Variants in ZNF671 observed in about 807,000 individuals in gnomAD.
The protein encoded by ZNF671 is zinc finger protein 671, also known as hypothetical protein FLJ23506.
ZNF671 carries 19 observed loss-of-function variants against 16.6 expected under a neutral mutation model. That is an observed-to-expected ratio of 1.14 (90% CI 0.80 to 1.68). The LOEUF is 1.68. Ranked by LOEUF, ZNF671 falls within the 40% of genes most tolerant of loss-of-function variation. The probability of loss-of-function intolerance (pLI) is 0.00; values close to 1 mark genes in which losing one functional copy is unlikely to be tolerated. For synonymous variants in ZNF671, 238 were observed against 236.3 expected (o/e 1.01, Z -0.06); for missense variants, 637 against 659.8 (o/e 0.97, Z 0.38).
chr19:57,727,436 A>C lies in ZNF671; in HGVS notation c.93T>G (p.Ala31=). The C allele has an allele frequency of 6.2e-7, 1 of 1,613,194 alleles. No homozygotes were observed. Among genetic ancestry groups the C allele is most frequent in the South Asian group, 1.1e-5 (1 of 91,030 alleles). The change falls in exon 1 of 4, where the codon GCT becomes GCG. Residue 31 remains alanine (A), a synonymous_variant. Coordinates refer to ENST00000317398, the MANE Select transcript of ZNF671 (RefSeq NM_024833.3). Reference sequence around the variant, plus strand: ...CCGCCATAGGACCGTGGGCGCGGACAGCTGCCGGGAGCGGCAGGCGTCTCG... The same window carrying C: ...CCGCCATAGGACCGTGGGCGCGGACCGCTGCCGGGAGCGGCAGGCGTCTCG... ...PRSRRLPLPA[A]VRAHGPMAEL...
In ZNF671 at chr19:57,727,573, C is replaced by G. The variant is rs1334727132; in HGVS notation, c.-45G>C. 6.4e-7 allele frequency: 1 copy of G among 1,566,768 alleles called. No individual in the cohort carries two copies. Among genetic ancestry groups the G allele is most frequent in the Admixed American group, 1.8e-5 (1 of 56,056 alleles). ...CACCTCCACCTGCGGCCCACACAAG[C>G]GTTACAGAACCCCGGCCAGGGACAG... On this transcript the variant is annotated 5_prime_UTR_variant, in exon 1 of 4. Coordinates refer to ENST00000317398, the MANE Select transcript of ZNF671 (RefSeq NM_024833.3).
At chr19:57,725,877 T>C (rs1476675495) in intron 1 of ZNF671, among the ~76,000 whole-genome samples, 1 of 151,832 alleles carries the variant, frequency 6.6e-6, no homozygotes, top group East Asian at 1.9e-4. Flanking sequence ...GAAGCTGCAG[T>C]GAGCCAAGAT....
At position 57,721,116 on chromosome 19, in the gene ZNF671, G is replaced by T; in HGVS notation, c.970C>A (p.Gln324Lys). ...TGGTGTTTAAAGAGGTCATAGCTTT[G>T]GCTGAAGAATTTCCCACATTCGTTA... ...ECNECGKFFS[Q>K]SYDLFKHQTV... is the part of the protein sequence containing the mutation. The change falls in exon 4 of 4, where the codon CAA (glutamine) becomes AAA (lysine). Residue 324 changes from glutamine to lysine, a missense_variant. By Grantham distance (53) the Gln-to-Lys change is moderately conservative. Coordinates refer to ENST00000317398, the MANE Select transcript of ZNF671 (RefSeq NM_024833.3). 6.2e-7 allele frequency: 1 copy of T among 1,614,154 alleles called. No homozygotes were observed. The highest frequency in any genetic ancestry group is 8.5e-7 in the Non-Finnish European group (1 of 1,180,028).
rs765037649 is a variant in ZNF671 at position 57,721,544 on chromosome 19, T to G, written c.542A>C (p.Lys181Thr). 6.5e-5 allele frequency: 105 copies of G among 1,614,092 alleles called. No individual in the cohort carries two copies. Among genetic ancestry groups the G allele is most frequent in the Non-Finnish European group, 8.5e-5 (100 of 1,180,046 alleles). The change falls in exon 4 of 4, where the codon AAA (lysine) becomes ACA (threonine). Residue 181 changes from lysine (K) to threonine (T), a missense_variant. Coordinates refer to ENST00000317398, the MANE Select transcript of ZNF671 (RefSeq NM_024833.3). ...PILKDTLHLAKYHGGKARQKP... is the reference protein window; with the variant it reads ...PILKDTLHLATYHGGKARQKP... ...CTGCCTGGCTTTTCCCCCATGGTAT[T>G]TAGCCAGGTGTAAGGTATCTTTCAA...
chr19:57,722,935 C>A (rs1207844213), intron 2 of ZNF671, among the ~76,000 whole-genome samples: 2 of 151,980 alleles, frequency 1.3e-5, no homozygotes, highest in Non-Finnish European at 2.9e-5. Flanking sequence ...GAGAAAGGGA[C>A]AGAACCTTGG....
intron 3 of ZNF671, chr19:57,721,970 T>C (rs143391861): frequency 1.8e-6 from 1 of 564,002 alleles, no homozygotes; most frequent in African/African-American, 1.9e-5. Context: ...GTGAGTGCTA[T>C]GAAAAATGTA....
At chr19:57,724,474 G>A (rs1272665381) in intron 1 of ZNF671, among the ~76,000 whole-genome samples, 1 of 152,102 alleles carries the variant, frequency 6.6e-6, no homozygotes, top group African/African-American at 2.4e-5. Context: ...CTTAAAGAGA[G>A]GGAGAAGGAT....
At position 57,727,569 on chromosome 19, in the gene ZNF671, C is replaced by G. The variant is rs756701495; in HGVS notation, c.-41G>C. On this transcript the variant is annotated 5_prime_UTR_variant, in exon 1 of 4. Transcript: ENST00000317398. ...CCAACACCTCCACCTGCGGCCCACA[C>G]AAGCGTTACAGAACCCCGGCCAGGG... is the stretch of plus-strand genomic sequence containing the variant. 19 of 1,574,472 alleles carry G rather than the reference C, an allele frequency of 1.2e-5. No homozygotes were observed. The highest frequency in any genetic ancestry group is 1.6e-5 in the Non-Finnish European group (18 of 1,152,980).
rs1234488975 is a variant in ZNF671, at chr19:57,727,427, G to C, written c.102C>G (p.Ala34=). The C allele has an allele frequency of 6.2e-7, 1 of 1,612,916 alleles. No homozygotes were observed. The highest frequency in any genetic ancestry group is 8.5e-7 in the Non-Finnish European group (1 of 1,179,586). ...CCGTTAGCTCCGCCATAGGACCGTG[G>C]GCGCGGACAGCTGCCGGGAGCGGCA... ...RRLPLPAAVR[A]HGPMAELTDS... The change falls in exon 1 of 4, where the codon GCC becomes GCG. Residue 34 remains alanine, a synonymous_variant. Coordinates refer to ENST00000317398, the MANE Select transcript of ZNF671 (RefSeq NM_024833.3).
In ZNF671 at chr19:57,722,403, G is replaced by C; in HGVS notation, c.301C>G (p.Leu101Val). Residue 101 changes from leucine to valine, a missense_variant, in exon 3 of 4, where the codon CTA becomes GTA. Coordinates refer to ENST00000317398, the MANE Select transcript of ZNF671 (RefSeq NM_024833.3). ...AFSRSRAVMK[L>V]ERGEEPWVYD... ...ACCCAGGGCTCTTCTCCTCGCTCTA[G>C]TTTCATGACTGCACGTGATCTGGAA... 5.0e-6 allele frequency: 8 copies of C among 1,614,070 alleles called. No individual in the cohort carries two copies. The highest frequency in any genetic ancestry group is 6.8e-6 in the Non-Finnish European group (8 of 1,180,008).
Position 57,721,401 on chromosome 19 carries a change from CAG to C in ZNF671, c.683_684del (p.Ser228CysfsTer19), listed in dbSNP as rs768376910. On this transcript the variant is annotated frameshift_variant, in exon 4 of 4. Coordinates refer to ENST00000317398, the MANE Select transcript of ZNF671 (RefSeq NM_024833.3). LOFTEE classifies it low-confidence loss of function (END_TRUNC). ...KLFPRKEGRDSVKSCRVHVPE... is the reference protein window; with the variant it reads ...KLFPRKEGRDXVKSCRVHVPE... ...GGCACATGGACTCTGCAGCTTTTCACAGAGTCTCTGCCCTCCTTCCTTGGGAA... is the reference window on the plus strand; with the variant it reads ...GGCACATGGACTCTGCAGCTTTTCACAGTCTCTGCCCTCCTTCCTTGGGAA... 3.1e-6 allele frequency: 5 copies of C among 1,614,138 alleles called. No individual in the cohort carries two copies. Among genetic ancestry groups the C allele is most frequent in the African/African-American group, 2.7e-5 (2 of 74,946 alleles).
In ZNF671 at chr19:57,727,417, T is replaced by G. The variant is rs772742488; in HGVS notation, c.112A>C (p.Met38Leu). 6.2e-7 allele frequency: 1 copy of G among 1,612,522 alleles called. No homozygotes were observed. Among genetic ancestry groups the G allele is most frequent in the Non-Finnish European group, 8.5e-7 (1 of 1,179,310 alleles). Reference sequence around the variant, plus strand: ...CGCGCGGAGTCCGTTAGCTCCGCCATAGGACCGTGGGCGCGGACAGCTGCC... The same window carrying G: ...CGCGCGGAGTCCGTTAGCTCCGCCAGAGGACCGTGGGCGCGGACAGCTGCC... The part of the protein sequence containing the change: ...LPAAVRAHGP[M>L]AELTDSARGC... The change falls in exon 1 of 4, where the codon ATG becomes CTG. Residue 38 changes from methionine to leucine, a missense_variant. Coordinates refer to ENST00000317398, the MANE Select transcript of ZNF671 (RefSeq NM_024833.3).
At chr19:57,723,052 T>C (rs1483367600) in intron 2 of ZNF671, among the ~76,000 whole-genome samples, 162 bp downstream of exon 2, 2 of 152,162 alleles carry the variant, frequency 1.3e-5, no homozygotes, top group Non-Finnish European at 2.9e-5. Flanking sequence ...AACCCTTGGC[T>C]GCACGGCTTC....
chr19:57,726,130 C>G (rs1986041277), intron 1 of ZNF671, among the ~76,000 whole-genome samples: 1 of 136,034 alleles, frequency 7.4e-6, no homozygotes, highest in Non-Finnish European at 1.6e-5. Flanking sequence ...CCCACCCCAC[C>G]CCTCCCACCT....
At chr19:57,721,966 G>A in intron 3 of ZNF671, 2 of 567,138 alleles carry the variant, frequency 3.5e-6, no homozygotes. Flanking sequence ...ACTCGTGAGT[G>A]CTATGAAAAA....
At chr19:57,727,304 G>A (rs1284835538) in intron 1 of ZNF671, 87 bp downstream of exon 1, 15 of 1,464,460 alleles carry the variant, frequency 1.0e-5, no homozygotes, top group Non-Finnish European at 1.4e-5. Context: ...AGAGTGCGTC[G>A]CTGTCCTGGG....
chr19:57,722,988 A>G (rs535295824), intron 2 of ZNF671, among the ~76,000 whole-genome samples: 2 of 152,296 alleles, frequency 1.3e-5, no homozygotes, highest in South Asian at 4.1e-4. Context: ...CCAGTACAGA[A>G]AGCGAACAGA....
At position 57,721,256 on chromosome 19, in the gene ZNF671, C is replaced by T. The variant is rs1223455272; in HGVS notation, c.830G>A (p.Gly277Asp). Residue 277 changes from glycine (G) to aspartate (D), a missense_variant, in exon 4 of 4, where the codon GGC (glycine) becomes GAC (aspartate). By Grantham distance (94) the Gly-to-Asp change is moderately conservative. Coordinates refer to ENST00000317398, the MANE Select transcript of ZNF671 (RefSeq NM_024833.3). ...GTGATACCTCTGTCCCATGAGAAAG[C>T]CACTCACAAGCTTAGTGCTCTTGTG... ...KPHKSTKLVS[G>D]FLMGQRYHRC... 3 of 1,592,324 alleles carry T rather than the reference C, an allele frequency of 1.9e-6. No homozygotes were observed. The highest frequency in any genetic ancestry group is 2.6e-6 in the Non-Finnish European group (3 of 1,167,502).
chr19:57,723,298 C>G lies in ZNF671; in HGVS notation c.181G>C (p.Glu61Gln), dbSNP rs748301533. The change falls in exon 2 of 4, where the codon GAA becomes CAA. Residue 61 changes from glutamate (E) to glutamine (Q), a missense_variant. Glu to Gln is a conservative substitution (Grantham distance 29). Transcript: ENST00000317398. ...GCATCATCAAGAAGCTCCCATTCTT[C>G]CCGAGAGAAGTATACAAACACATCC... ...FEDVFVYFSR[E>Q]EWELLDDAQR... 1 of 1,613,766 alleles carries G rather than the reference C, an allele frequency of 6.2e-7. No homozygotes were observed. The highest frequency in any genetic ancestry group is 8.5e-7 in the Non-Finnish European group (1 of 1,179,776).
Sources: gnomAD v4.1 joint callset for allele counts (sites outside exome capture counted in the v4.1 genomes callset) on GRCh38, gnomAD v4.1.1 for gene constraint, MANE v1.5 for transcripts, NCBI Gene and HGNC (gene_info 2026-07-23, HGNC 2026-07-21) for gene names.